PCGF5: variants seen among roughly 807,000 people sequenced by gnomAD.
PCGF5 encodes polycomb group RING finger protein 5.
In PCGF5, 9 loss-of-function variants were observed where a neutral mutation model predicts 44.3. The observed-to-expected ratio is 0.20, with a 90% CI of 0.12 to 0.35. PCGF5 has a LOEUF of 0.35. PCGF5 is among the 10% of genes least tolerant of loss of function. The pLI, the probability that PCGF5 is intolerant of heterozygous loss-of-function variation, is 1.00. For missense variants in PCGF5, 146 were observed against 305.3 expected (o/e 0.48, Z 3.89); for synonymous variants, 95 against 102.5 (o/e 0.93, Z 0.44).
At chr10:91,199,762 G>A (rs1254260424) in intron 1 of PCGF5, among the ~76,000 whole-genome samples, 1 of 151,630 alleles carries the variant, frequency 6.6e-6, no homozygotes, top group South Asian at 2.1e-4. Context: ...CAACCCTCTT[G>A]TTTGACAGAT....
At chr10:91,225,221 GATATAT>G (rs1844789179) in intron 2 of PCGF5, among the ~76,000 whole-genome samples, 2 of 145,992 alleles carry the variant, frequency 1.4e-5, no homozygotes, top group Non-Finnish European at 3.0e-5. Context: ...TCATATATTT[GATATAT>G]ATCATATATG....
chr10:91,183,361 T>A (rs1589355660), intron 1 of PCGF5, among the ~76,000 whole-genome samples: 1 of 152,196 alleles, frequency 6.6e-6, no homozygotes, highest in Non-Finnish European at 1.5e-5. Flanking sequence ...TTGTCTTTTT[T>A]AATCTTTGTT....
At chr10:91,233,617 C>G (rs535987775) in intron 2 of PCGF5, among the ~76,000 whole-genome samples, 1 of 151,938 alleles carries the variant, frequency 6.6e-6, no homozygotes, top group Non-Finnish European at 1.5e-5. Flanking sequence ...TGCATGGAAG[C>G]GAATTACAGC....
intron 2 of PCGF5, among the ~76,000 whole-genome samples, chr10:91,227,178 C>G (rs955518350): frequency 6.6e-6 from 1 of 152,078 alleles, no homozygotes; most frequent in Non-Finnish European, 1.5e-5. Context: ...AATGTATACA[C>G]TATTGAGCAA....
intron 2 of PCGF5, among the ~76,000 whole-genome samples, chr10:91,230,010 G>A (rs1335059914): frequency 6.6e-6 from 1 of 151,954 alleles, no homozygotes; most frequent in East Asian, 1.9e-4. Context: ...AATAATTATA[G>A]GTCTTAATCT....
chr10:91,161,436 G>A (rs1302830210), upstream of PCGF5, among the ~76,000 whole-genome samples: 2 of 152,182 alleles, frequency 1.3e-5, no homozygotes, highest in Admixed American at 6.5e-5. Flanking sequence ...GTCTACTTCA[G>A]TGTGTGATCA....
intron 2 of PCGF5, chr10:91,227,380 C>T (rs959894841): frequency 1.6e-6 from 2 of 1,281,986 alleles, no homozygotes; most frequent in Admixed American, 2.3e-5. Flanking sequence ...CCTGAAGCCA[C>T]CTGAAACTCA....
chr10:91,198,340 CT>C (rs1844183493), intron 1 of PCGF5, among the ~76,000 whole-genome samples: 1 of 152,206 alleles, frequency 6.6e-6, no homozygotes, highest in African/African-American at 2.4e-5. Flanking sequence ...GCTTAGGACA[CT>C]TTCCTTTCTC....
chr10:91,159,140 A>G (rs1211916420), upstream of PCGF5, among the ~76,000 whole-genome samples: 1 of 152,246 alleles, frequency 6.6e-6, no homozygotes, highest in Non-Finnish European at 1.5e-5. Context: ...AACAAGCATC[A>G]TAAGACATAG....
intron 3 of PCGF5, among the ~76,000 whole-genome samples, chr10:91,244,596 C>T (rs777934684): frequency 3.3e-5 from 5 of 152,046 alleles, no homozygotes; most frequent in Non-Finnish European, 7.4e-5. Flanking sequence ...GAGAACACCG[C>T]GCGTATAACA....
intron 1 of PCGF5, among the ~76,000 whole-genome samples, chr10:91,189,878 GT>G (rs1389518264): frequency 6.6e-6 from 1 of 152,142 alleles, no homozygotes; most frequent in Non-Finnish European, 1.5e-5. Flanking sequence ...GTTTTGAAAG[GT>G]TTTCCTCAAC....
Position 91,238,342 on chromosome 10 carries a change from C to A in PCGF5, c.113-2142C>A, listed in dbSNP as rs537945567. Among the ~76,000 whole-genome samples the A allele has an allele frequency of 1.1e-4, 16 of 152,268 alleles. No individual in the cohort carries two copies. The South Asian group carries it at 2.9e-3, about 28-fold the overall frequency. On this transcript the variant is annotated intron_variant, in intron 2 of 9. Coordinates refer to ENST00000336126, the MANE Select transcript of PCGF5 (RefSeq NM_032373.5). Reference sequence around the variant, plus strand: ...ATGTATGCACCTTTGGATGCTTGAGCCCTACAACTCTTTCATGAGCAGCCT... The same window carrying A: ...ATGTATGCACCTTTGGATGCTTGAGACCTACAACTCTTTCATGAGCAGCCT...
chr10:91,269,735 GC>G (rs1365008417), intron 8 of PCGF5, among the ~76,000 whole-genome samples: 3 of 152,140 alleles, frequency 2.0e-5, no homozygotes, highest in Admixed American at 2.0e-4. Context: ...GAATGAGAGT[GC>G]CCATTTTCTG....
chr10:91,201,766 G>A (rs570799160), intron 1 of PCGF5, among the ~76,000 whole-genome samples: 5 of 133,442 alleles, frequency 3.7e-5, no homozygotes, highest in South Asian at 4.8e-4. Flanking sequence ...ATGAAATTTT[G>A]TTTAAGTGTG....
intron 2 of PCGF5, among the ~76,000 whole-genome samples, chr10:91,225,230 CAT>C (rs1173326609): frequency 4.1e-5 from 6 of 145,894 alleles, no homozygotes; most frequent in Middle Eastern, 3.3e-3. Flanking sequence ...TGATATATAT[CAT>C]ATATGTATAT....
At chr10:91,231,433 C>T (rs1564642049) in intron 2 of PCGF5, among the ~76,000 whole-genome samples, 1 of 152,160 alleles carries the variant, frequency 6.6e-6, no homozygotes, top group East Asian at 1.9e-4. Flanking sequence ...TTAAGAGTGA[C>T]TTTTGAACAA....
chr10:91,167,951 A>G (rs900883931), intron 1 of PCGF5, among the ~76,000 whole-genome samples: 1 of 152,226 alleles, frequency 6.6e-6, no homozygotes, highest in African/African-American at 2.4e-5. Context: ...GAAATCAAAG[A>G]CAGAAGCTCA....
At chr10:91,230,069 GT>G (rs1312086852) in intron 2 of PCGF5, among the ~76,000 whole-genome samples, 1 of 151,860 alleles carries the variant, frequency 6.6e-6, no homozygotes, top group Non-Finnish European at 1.5e-5. Flanking sequence ...TGTATAGTTC[GT>G]TTAGCTTTTG....
chr10:91,171,661 T>C (rs1439060339), intron 1 of PCGF5, among the ~76,000 whole-genome samples: 1 of 152,146 alleles, frequency 6.6e-6, no homozygotes, highest in African/African-American at 2.4e-5. Context: ...GAGTGTGTAA[T>C]GGCTGATTCA....
Sources: gnomAD v4.1 joint callset for allele counts (sites outside exome capture counted in the v4.1 genomes callset) on GRCh38, gnomAD v4.1.1 for gene constraint, MANE v1.5 for transcripts, NCBI Gene and HGNC (gene_info 2026-07-23, HGNC 2026-07-21) for gene names.